ACKR4: variants seen among roughly 807,000 people sequenced by gnomAD.
ACKR4 encodes C-C CKR-11.
In ACKR4, 2 loss-of-function variants were observed where a neutral mutation model predicts 8.5. That is an observed-to-expected ratio of 0.23 (90% CI 0.10 to 0.74). The LOEUF (loss-of-function observed/expected upper bound fraction) is 0.74, where lower values mean the gene tolerates loss of function less well. Among genes scored for constraint, ACKR4 ranks in the 30% least tolerant of loss-of-function variants. The probability of loss-of-function intolerance (pLI) is 0.75; values close to 1 mark genes in which losing one functional copy is unlikely to be tolerated. For missense variants in ACKR4, 167 were observed against 422.1 expected (o/e 0.40, Z 5.30); for synonymous variants, 67 against 145.0 (o/e 0.46, Z 3.86).
intron 1 of ACKR4, among the ~76,000 whole-genome samples, chr3:132,598,747 G>A (rs935752242): frequency 2.6e-5 from 4 of 152,234 alleles, no homozygotes; most frequent in Non-Finnish European, 2.9e-5. Context: ...CCACTGCTGA[G>A]AAATTAGTCC....
At position 132,600,785 on chromosome 3, in the gene ACKR4, C is replaced by G. The variant is rs1414507544; in HGVS notation, c.388C>G (p.Leu130Val). The G allele has an allele frequency of 1.2e-6, 2 of 1,613,916 alleles. No homozygotes were observed. Among genetic ancestry groups the G allele is most frequent in the Non-Finnish European group, 1.7e-6 (2 of 1,179,872 alleles). ...AAACTTTGTCTCTGGAATGCAGTTT[C>G]TGGCTTGTATCAGCATAGACAGATA... is the stretch of plus-strand genomic sequence containing the variant. ...TLNFVSGMQFLACISIDRYVA... is the reference protein window; with the variant it reads ...TLNFVSGMQFVACISIDRYVA... Residue 130 changes from leucine (L) to valine (V), a missense_variant, in exon 2 of 2, where the codon CTG (leucine) becomes GTG (valine). By Grantham distance (32) the Leu-to-Val change is conservative. This residue lies in a region of ACKR4 where 149 missense variants were observed against 281.9 expected (regional missense o/e 0.53). Coordinates refer to ENST00000249887, the MANE Select transcript of ACKR4 (RefSeq NM_016557.4).
At chr3:132,597,634 T>C (rs1214352853) in intron 1 of ACKR4, among the ~76,000 whole-genome samples, 1 of 152,048 alleles carries the variant, frequency 6.6e-6, no homozygotes, top group Non-Finnish European at 1.5e-5. Context: ...TTTATTCTCA[T>C]GGTAATTATA....
Position 132,602,513 on chromosome 3 carries a change from T to C in ACKR4, c.*1063T>C, listed in dbSNP as rs1246119959. The stretch of plus-strand genomic sequence containing the variant: ...TTTATTTTTGAGTAATAAAAATATG[T>C]ACCACAATAAATTATTGTTAATTAA... On this transcript the variant is annotated 3_prime_UTR_variant, in exon 2 of 2. Coordinates refer to ENST00000249887, the MANE Select transcript of ACKR4 (RefSeq NM_016557.4). 6.6e-6 allele frequency among the ~76,000 whole-genome samples: 1 copy of C among 152,204 alleles called. No homozygotes were observed. The highest frequency in any genetic ancestry group is 2.4e-5 in the African/African-American group (1 of 41,460).
chr3:132,601,720 T>A lies in ACKR4; in HGVS notation c.*270T>A. The A allele has an allele frequency of 2.3e-6, 1 of 438,908 alleles. No homozygotes were observed. Among genetic ancestry groups the A allele is most frequent in the Non-Finnish European group, 4.4e-6 (1 of 226,894 alleles). The allele number at this position is 438,908 out of a possible 1,614,324, so 27.2% of individuals were successfully genotyped here. A position where few individuals can be genotyped will look rare whatever the true frequency, so the allele number is the denominator to read the frequency against. ...ACTCTGCTGTAACGAAGAAGAGCTTTGTGGTGATAATTTTGTATCTTGGTT... is the reference window on the plus strand; with the variant it reads ...ACTCTGCTGTAACGAAGAAGAGCTTAGTGGTGATAATTTTGTATCTTGGTT... On this transcript the variant is annotated 3_prime_UTR_variant, in exon 2 of 2. Coordinates refer to ENST00000249887, the MANE Select transcript of ACKR4 (RefSeq NM_016557.4).
rs116192812 is a variant in ACKR4, at chr3:132,602,356, A to T, written c.*906A>T. 4.3e-3 allele frequency: 720 copies of T among 167,132 alleles called. 9 individuals carry two copies. The highest frequency in any genetic ancestry group is 0.015 in the African/African-American group (643 of 41,574). 10.4% of individuals were successfully genotyped at this position (167,132 alleles called of 1,614,324 possible). On this transcript the variant is annotated 3_prime_UTR_variant, in exon 2 of 2. Coordinates refer to ENST00000249887, the MANE Select transcript of ACKR4 (RefSeq NM_016557.4). Reference sequence around the variant, plus strand: ...TATATAGTCTAGGTGTAATCCTCAGACTATCATTTTCATCTGGGTTCCAAT... The same window carrying T: ...TATATAGTCTAGGTGTAATCCTCAGTCTATCATTTTCATCTGGGTTCCAAT...
At position 132,600,227 on chromosome 3, in the gene ACKR4, T is replaced by C. The variant is rs574430457; in HGVS notation, c.-9-162T>C. ...AACTAATCTTGGGGTCATATTCCAATGTGGCTCCCATTAAAGCATTTCAAA... is the reference window on the plus strand; with the variant it reads ...AACTAATCTTGGGGTCATATTCCAACGTGGCTCCCATTAAAGCATTTCAAA... On this transcript the variant is annotated intron_variant, in intron 1 of 1. Transcript: ENST00000249887. Among the ~76,000 whole-genome samples, 36 of 152,342 alleles carry C rather than the reference T, an allele frequency of 2.4e-4. No individual in the cohort carries two copies. The South Asian group carries it at 2.9e-3, about 12-fold the overall frequency.
rs1301241053 is a variant in ACKR4, at chr3:132,598,608, G to A, written c.-10+1285G>A. Among the ~76,000 whole-genome samples, 3 of 152,348 alleles carry A rather than the reference G, an allele frequency of 2.0e-5. No individual in the cohort carries two copies. In the East Asian group the frequency reaches 5.8e-4, roughly 29 times the overall value. ...TGCTAATACATCAGGAAAGTCTTCT[G>A]GGGAGGTCGCATCCGCGTTTATTGA... is the stretch of plus-strand genomic sequence containing the variant. On this transcript the variant is annotated intron_variant, in intron 1 of 1. Coordinates refer to ENST00000249887, the MANE Select transcript of ACKR4 (RefSeq NM_016557.4).
intron 1 of ACKR4, 109 bp from the exon 2 acceptor site, chr3:132,600,280 T>G: frequency 1.1e-6 from 1 of 938,616 alleles, no homozygotes; most frequent in Non-Finnish European, 1.6e-6. Flanking sequence ...TCACATATGT[T>G]ACAGCAACAG....
chr3:132,598,476 T>C (rs1372406454), intron 1 of ACKR4, among the ~76,000 whole-genome samples: 2 of 152,154 alleles, frequency 1.3e-5, no homozygotes, highest in African/African-American at 4.8e-5. Context: ...CAAACACAAA[T>C]CAAATAGGTC....
In ACKR4 at chr3:132,600,479, G is replaced by C; in HGVS notation, c.82G>C (p.Glu28Gln). ...TGGCACTTATGACTACAGTCAATATGAACTGATCTGTATCAAAGAAGATGT... is the reference window on the plus strand; with the variant it reads ...TGGCACTTATGACTACAGTCAATATCAACTGATCTGTATCAAAGAAGATGT... ...MNGTYDYSQY[E>Q]LICIKEDVRE... Residue 28 changes from glutamate to glutamine, a missense_variant, in exon 2 of 2, where the codon GAA becomes CAA. Transcript: ENST00000249887. 1 of 1,613,742 alleles carries C rather than the reference G, an allele frequency of 6.2e-7. No individual in the cohort carries two copies. The highest frequency in any genetic ancestry group is 8.5e-7 in the Non-Finnish European group (1 of 1,179,790).
chr3:132,598,264 C>T (rs1938403842), intron 1 of ACKR4, among the ~76,000 whole-genome samples: 1 of 152,194 alleles, frequency 6.6e-6, no homozygotes, highest in South Asian at 2.1e-4. Flanking sequence ...CCAAAACTTA[C>T]GAATTCTGTG....
intron 1 of ACKR4, among the ~76,000 whole-genome samples, chr3:132,598,578 G>A (rs150970926): frequency 6.8e-4 from 104 of 152,348 alleles, no homozygotes; most frequent in African/African-American, 1.9e-3. Flanking sequence ...GGGGTATGTA[G>A]AGATTGCTAA....
intron 1 of ACKR4, among the ~76,000 whole-genome samples, chr3:132,598,098 CT>C (rs1401280092): frequency 6.6e-6 from 1 of 152,042 alleles, no homozygotes; most frequent in African/African-American, 2.4e-5. Context: ...AGTTGGCACA[CT>C]GTTTTAAAAA....
In ACKR4 at chr3:132,600,372, T is replaced by G. The variant is rs937418623; in HGVS notation, c.-9-17T>G. 1 of 1,544,624 alleles carries G rather than the reference T, an allele frequency of 6.5e-7. No homozygotes were observed. Among genetic ancestry groups the G allele is most frequent in the Non-Finnish European group, 8.7e-7 (1 of 1,146,366 alleles). ...TATTTAGACAAATATCTATCCTGTA[T>G]TCTCTTTGCCATCTAGATTGGAGCC... On this transcript the variant is annotated splice_polypyrimidine_tract_variant and intron_variant, in intron 1 of 1. Transcript: ENST00000249887.
Position 132,601,966 on chromosome 3 carries a change from A to AG in ACKR4, c.*516_*517insG, listed in dbSNP as rs1938624361. The AG allele has an allele frequency of 1.1e-5, 2 of 178,510 alleles. No individual in the cohort carries two copies. Among genetic ancestry groups the AG allele is most frequent in the Non-Finnish European group, 2.7e-5 (2 of 74,626 alleles). 11.1% of individuals were successfully genotyped at this position (178,510 alleles called of 1,614,324 possible). A position where few individuals can be genotyped will look rare whatever the true frequency, so the allele number is the denominator to read the frequency against. On this transcript the variant is annotated 3_prime_UTR_variant, in exon 2 of 2. Coordinates refer to ENST00000249887, the MANE Select transcript of ACKR4 (RefSeq NM_016557.4). ...TTCAAAATAAAACAAGTTAAAAAAA[A>AG]ACCCACTATGCTATAAGTTAGGCCA...
At position 132,600,640 on chromosome 3, in the gene ACKR4, G is replaced by A; in HGVS notation, c.243G>A (p.Leu81=). 2 of 1,613,604 alleles carry A rather than the reference G, an allele frequency of 1.2e-6. No homozygotes were observed. Among genetic ancestry groups the A allele is most frequent in the Non-Finnish European group, 1.7e-6 (2 of 1,179,674 alleles). The part of the protein sequence containing the change: ...KQRTKTDVYI[L]NLAVADLLLL... ...GAACCAAAACAGATGTGTACATCCTGAATTTGGCTGTAGCAGATTTACTCC... is the reference window on the plus strand; with the variant it reads ...GAACCAAAACAGATGTGTACATCCTAAATTTGGCTGTAGCAGATTTACTCC... Residue 81 remains leucine (L), a synonymous_variant, in exon 2 of 2, where the codon CTG becomes CTA. Transcript: ENST00000249887.
rs1341021219 is a variant in ACKR4 at position 132,600,577 on chromosome 3, C to T, written c.180C>T (p.Ser60=). The T allele has an allele frequency of 3.1e-6, 5 of 1,613,940 alleles. No individual in the cohort carries two copies. Among genetic ancestry groups the T allele is most frequent in the African/African-American group, 1.3e-5 (1 of 75,052 alleles). ...TCGTCATTGGACTTGCAGGCAATTC[C>T]ATGGTAGTGGCAATTTATGCCTATT... The part of the protein sequence containing the change: ...IVFVIGLAGN[S]MVVAIYAYYK... Residue 60 remains serine (S), a synonymous_variant, in exon 2 of 2, where the codon TCC becomes TCT. Transcript: ENST00000249887.
chr3:132,600,509 GAATTTGC>G lies in ACKR4; in HGVS notation c.115_121del (p.Phe39LysfsTer10). 16 of 1,613,872 alleles carry G rather than the reference GAATTTGC, an allele frequency of 9.9e-6. No individual in the cohort carries two copies. Among genetic ancestry groups the G allele is most frequent in the Non-Finnish European group, 1.4e-5 (16 of 1,179,854 alleles). On this transcript the variant is annotated frameshift_variant, in exon 2 of 2. Coordinates refer to ENST00000249887, the MANE Select transcript of ACKR4 (RefSeq NM_016557.4). LOFTEE classifies it low-confidence loss of function (END_TRUNC). ...GATCTGTATCAAAGAAGATGTCAGA[GAATTTGC>G]AAAAGTTTTCCTCCCTGTATTCCTC...
chr3:132,598,608 G>C (rs1301241053), intron 1 of ACKR4, among the ~76,000 whole-genome samples: 1 of 152,230 alleles, frequency 6.6e-6, no homozygotes. Context: ...AAAGTCTTCT[G>C]GGGAGGTCGC....
Sources: gnomAD v4.1 joint callset for allele counts (sites outside exome capture counted in the v4.1 genomes callset) on GRCh38, gnomAD v4.1.1 for gene constraint, gnomAD v4.1.1 regional missense constraint, MANE v1.5 for transcripts, NCBI Gene and HGNC (gene_info 2026-07-23, HGNC 2026-07-21) for gene names.